The following ZEB2 variants were observed in gnomAD, a reference collection of about 807,000 sequenced individuals.
ZEB2 encodes the protein zinc finger E-box binding homeobox 2.
Under a neutral mutation model 99.9 loss-of-function variants are expected in ZEB2, and 6 were observed. That is an observed-to-expected ratio of 0.06 (90% CI 0.03 to 0.12). The LOEUF is 0.12. ZEB2 is among the 10% of genes least tolerant of loss of function. The pLI is 1.00. For synonymous variants in ZEB2, 517 were observed against 542.5 expected (o/e 0.95, Z 0.65); for missense variants, 969 against 1,502.8 (o/e 0.64, Z 5.87).
intron 2 of ZEB2, among the ~76,000 whole-genome samples, chr2:144,506,108 G>A (rs926018772): frequency 3.3e-5 from 5 of 152,104 alleles, no homozygotes; most frequent in Non-Finnish European, 5.9e-5. Context: ...TGTAAGTTTC[G>A]TAAGAATCAT....
chr2:144,477,570 T>C (rs1157308738), intron 2 of ZEB2, among the ~76,000 whole-genome samples: 1 of 152,238 alleles, frequency 6.6e-6, no homozygotes, highest in Non-Finnish European at 1.5e-5. Context: ...CAGTTACATT[T>C]AACTCTTACA....
chr2:144,407,838 A>G (rs955407585), intron 4 of ZEB2, among the ~76,000 whole-genome samples: 2 of 152,208 alleles, frequency 1.3e-5, no homozygotes, highest in Non-Finnish European at 2.9e-5. Context: ...ACATAGATGG[A>G]TGTACATTTA....
chr2:144,496,140 G>A (rs965112881), intron 2 of ZEB2: 3 of 152,248 alleles, frequency 2.0e-5, no homozygotes, highest in South Asian at 4.1e-4. Context: ...GCAGTGTGGA[G>A]AATTTAGAAG....
rs1172293707 is a variant in ZEB2, at chr2:144,441,201, G to GAGAGAA, written c.74-11176_74-11175insTTCTCT. On this transcript the variant is annotated intron_variant, in intron 2 of 9. Coordinates refer to ENST00000627532, the MANE Select transcript of ZEB2 (RefSeq NM_014795.4). ...AGAGAGAGAGAGAGAGAGAGAGAGA[G>GAGAGAA]AGAGAGAACCTCATGCCTCCCTAGT... is the stretch of plus-strand genomic sequence containing the variant. 7.3e-5 allele frequency among the ~76,000 whole-genome samples: 11 copies of GAGAGAA among 151,390 alleles called. 1 individual carries two copies. Among genetic ancestry groups the GAGAGAA allele is most frequent in the African/African-American group, 2.7e-4 (11 of 41,158 alleles).
chr2:144,435,249 C>T (rs916233749), intron 2 of ZEB2, among the ~76,000 whole-genome samples: 2 of 152,128 alleles, frequency 1.3e-5, no homozygotes, highest in East Asian at 1.9e-4. Flanking sequence ...TCAGCTTAGA[C>T]GTGACACAGA....
intron 2 of ZEB2, among the ~76,000 whole-genome samples, chr2:144,443,461 TTTA>T (rs1452485548): frequency 9.2e-5 from 14 of 152,184 alleles, no homozygotes; most frequent in African/African-American, 2.2e-4. Flanking sequence ...ATACTGTAAA[TTTA>T]TTATACTTCC....
intron 7 of ZEB2, 22 bp downstream of exon 7, chr2:144,401,177 C>A: frequency 6.2e-7 from 1 of 1,605,116 alleles, no homozygotes; most frequent in Non-Finnish European, 8.5e-7. Flanking sequence ...CAAATGCGAG[C>A]TCCAGCACCT....
chr2:144,482,669 T>A (rs1704529676), intron 2 of ZEB2, among the ~76,000 whole-genome samples: 1 of 152,210 alleles, frequency 6.6e-6, no homozygotes, highest in Non-Finnish European at 1.5e-5. Flanking sequence ...ATTTCTCTCC[T>A]ACCTCTGTCC....
At chr2:144,395,949 G>A (rs183502502) in intron 9 of ZEB2, among the ~76,000 whole-genome samples, 1 of 147,972 alleles carries the variant, frequency 6.8e-6, no homozygotes, top group African/African-American at 2.4e-5. Flanking sequence ...AAAATGTGGC[G>A]AATTTAAAAA....
intron 2 of ZEB2, among the ~76,000 whole-genome samples, chr2:144,449,252 G>A (rs193199033): frequency 4.1e-4 from 63 of 152,306 alleles, no homozygotes; most frequent in African/African-American, 1.4e-3. Flanking sequence ...GCCGGGTTGG[G>A]AAGTCAGAGT....
intron 3 of ZEB2, 80 bp from the exon 4 acceptor site, chr2:144,424,947 G>A: frequency 6.8e-7 from 1 of 1,463,684 alleles, no homozygotes; most frequent in East Asian, 2.3e-5. Flanking sequence ...CAGGAACAAG[G>A]AAGATTCTTT....
chr2:144,403,907 TC>T lies in ZEB2; in HGVS notation c.807+8del, dbSNP rs1411186011. 6.2e-7 allele frequency: 1 copy of T among 1,614,028 alleles called. No individual in the cohort carries two copies. The highest frequency in any genetic ancestry group is 1.3e-5 in the African/African-American group (1 of 74,986). On this transcript the variant is annotated splice_region_variant and intron_variant, in intron 6 of 9. Coordinates refer to ENST00000627532, the MANE Select transcript of ZEB2 (RefSeq NM_014795.4). Reference sequence around the variant, plus strand: ...TATAGAAAGAAATCACTTAAAACCATCCCCCCACCTGATCTGTCCCTGGCTT... The same window carrying T: ...TATAGAAAGAAATCACTTAAAACCATCCCCCACCTGATCTGTCCCTGGCTT...
At chr2:144,402,997 T>C (rs1470085116) in intron 6 of ZEB2, among the ~76,000 whole-genome samples, 1 of 152,234 alleles carries the variant, frequency 6.6e-6, no homozygotes, top group African/African-American at 2.4e-5. Context: ...TACAATATCA[T>C]GTTCAATAAT....
chr2:144,415,862 C>T (rs1283024531), intron 4 of ZEB2, among the ~76,000 whole-genome samples: 1 of 152,216 alleles, frequency 6.6e-6, no homozygotes, highest in Non-Finnish European at 1.5e-5. Context: ...AGTCGAAAGT[C>T]ATCCATTTTC....
intron 2 of ZEB2, among the ~76,000 whole-genome samples, chr2:144,498,020 ATATATTATATAATAT>A (rs1560650884): frequency 0.022 from 1,040 of 46,604 alleles, 245 homozygotes; most frequent in Middle Eastern, 0.092. Flanking sequence ...TATTAATATT[ATATATTATATAATAT>A]ATATTAATAT....
chr2:144,405,438 T>C, intron 4 of ZEB2: 1 of 227,156 alleles, frequency 4.4e-6, no homozygotes, highest in South Asian at 5.5e-5. Flanking sequence ...AAAGGTATAT[T>C]TAATTTTTCA....
At chr2:144,407,364 T>G (rs1384971053) in intron 4 of ZEB2, among the ~76,000 whole-genome samples, 2 of 152,224 alleles carry the variant, frequency 1.3e-5, no homozygotes, top group African/African-American at 4.8e-5. Flanking sequence ...ATAAAGAATA[T>G]GGGCTTTAGA....
intron 2 of ZEB2, chr2:144,512,629 T>C: frequency 7.0e-6 from 9 of 1,287,210 alleles, no homozygotes; most frequent in Non-Finnish European, 9.1e-6. Flanking sequence ...AATGTAAAGT[T>C]TAAAATCCTC....
Position 144,399,701 on chromosome 2 carries a change from A to G in ZEB2, c.1486T>C (p.Ser496Pro). 1 of 1,614,194 alleles carries G rather than the reference A, an allele frequency of 6.2e-7. No homozygotes were observed. Among genetic ancestry groups the G allele is most frequent in the Non-Finnish European group, 8.5e-7 (1 of 1,180,028 alleles). ...GTAACTCCTTGTTCCTCAGGTTGAG[A>G]GCATGGATCCTTCATGTGATAACCT... ...LKGYHMKDPC[S>P]QPEEQGVTSP... Residue 496 changes from serine to proline, a missense_variant, in exon 8 of 10, where the codon TCT becomes CCT. Physicochemically the swap from Ser to Pro is moderately conservative, Grantham distance 74. Coordinates refer to ENST00000627532, the MANE Select transcript of ZEB2 (RefSeq NM_014795.4). This position sits in a 1 kb window ranked among gnomAD's most constrained non-coding sequence, Gnocchi z 5.6.
Sources: gnomAD v4.1 joint callset for allele counts (sites outside exome capture counted in the v4.1 genomes callset) on GRCh38, gnomAD v4.1.1 for gene constraint, Gnocchi (gnomAD v3.1) non-coding constraint, MANE v1.5 for transcripts, NCBI Gene and HGNC (gene_info 2026-07-23, HGNC 2026-07-21) for gene names.